SLF1: variants seen among roughly 807,000 people sequenced by gnomAD.
The protein encoded by SLF1 is SMC5/6 complex localization factor 1, also known as SMC5-SMC6 complex localization factor protein 1.
A neutral mutation model predicts 123.0 loss-of-function variants in SLF1; 105 were observed. The ratio of observed to expected loss-of-function variants is 0.85; its 90% CI spans 0.73 to 1.00. The LOEUF is 1.00. Ranked by LOEUF, SLF1 falls within the 50% of genes least tolerant of loss-of-function variation. The pLI, the probability that SLF1 is intolerant of heterozygous loss-of-function variation, is 0.00. For synonymous variants in SLF1, 434 were observed against 406.6 expected (o/e 1.07, Z -0.81); for missense variants, 1,239 against 1,223.0 (o/e 1.01, Z -0.20).
intron 18 of SLF1, among the ~76,000 whole-genome samples, chr5:94,690,560 A>C (rs1752953903): frequency 6.6e-6 from 1 of 152,152 alleles, no homozygotes; most frequent in Admixed American, 6.6e-5. Context: ...AAGAGAATTG[A>C]GATATAGTAG....
At chr5:94,646,358 A>G (rs528758837) in intron 5 of SLF1, among the ~76,000 whole-genome samples, 19 of 152,212 alleles carry the variant, frequency 1.2e-4, no homozygotes, top group Non-Finnish European at 2.2e-4. Context: ...TTTCAGGTTT[A>G]TAGATATTTA....
At chr5:94,632,988 C>A (rs1745370426) in intron 4 of SLF1, among the ~76,000 whole-genome samples, 1 of 151,664 alleles carries the variant, frequency 6.6e-6, no homozygotes, top group South Asian at 2.1e-4. Context: ...CGCGCCCGAC[C>A]TTTATTTTTT....
In SLF1 at chr5:94,694,988, A is replaced by C. The variant is rs898048310; in HGVS notation, c.2853A>C (p.Gln951His). 1.1e-5 allele frequency: 18 copies of C among 1,612,652 alleles called. No homozygotes were observed. The highest frequency in any genetic ancestry group is 3.3e-4 in the Middle Eastern group (2 of 6,054). ...AQAEKHFHYQ[Q>H]LEFGSFLLSR... Reference sequence around the variant, plus strand: ...CAGAGAAACATTTTCATTACCAGCAACTTGAATTTGGCTCCTTTTTACTTA... The same window carrying C: ...CAGAGAAACATTTTCATTACCAGCACCTTGAATTTGGCTCCTTTTTACTTA... Residue 951 changes from glutamine (Q) to histidine (H), a missense_variant, in exon 21 of 21, where the codon CAA becomes CAC. By Grantham distance (24) the Gln-to-His change is conservative. Transcript: ENST00000265140.
At chr5:94,632,470 TTAACAA>T (rs1277501836) in intron 4 of SLF1, among the ~76,000 whole-genome samples, 1 of 152,234 alleles carries the variant, frequency 6.6e-6, no homozygotes, top group Non-Finnish European at 1.5e-5. Flanking sequence ...AGGTCAAATC[TTAACAA>T]TATTGAGTCT....
intron 18 of SLF1, among the ~76,000 whole-genome samples, chr5:94,689,865 C>T (rs1585242405): frequency 6.6e-6 from 1 of 152,108 alleles, no homozygotes; most frequent in Non-Finnish European, 1.5e-5. Flanking sequence ...CACAGTGTAG[C>T]ATTCATTGAG....
intron 1 of SLF1, among the ~76,000 whole-genome samples, chr5:94,622,193 G>T (rs995836697): frequency 6.6e-6 from 1 of 152,154 alleles, no homozygotes; most frequent in Non-Finnish European, 1.5e-5. Flanking sequence ...ACAGTTATTT[G>T]TTTACTTTCC....
rs187764960 is a variant in SLF1 at position 94,658,471 on chromosome 5, A to G, written c.1155+3719A>G. ...GTTGTTGTTGTTTTTTCCTTTCAAC[A>G]CTATGAATGTGTCATCTTATTCTTT... is the stretch of plus-strand genomic sequence containing the variant. On this transcript the variant is annotated intron_variant, in intron 9 of 20. Coordinates refer to ENST00000265140, the MANE Select transcript of SLF1 (RefSeq NM_032290.4). Among the ~76,000 whole-genome samples the G allele has an allele frequency of 1.6e-4, 24 of 151,820 alleles. No individual in the cohort carries two copies. In the East Asian group the frequency reaches 4.5e-3, roughly 28 times the overall value.
At chr5:94,675,224 G>A (rs1201411100) in intron 14 of SLF1, among the ~76,000 whole-genome samples, 1 of 152,216 alleles carries the variant, frequency 6.6e-6, no homozygotes, top group African/African-American at 2.4e-5. Flanking sequence ...TAAACTAGAA[G>A]TTATCTCTAC....
chr5:94,687,737 A>C (rs1189666208), intron 16 of SLF1, among the ~76,000 whole-genome samples: 2 of 152,108 alleles, frequency 1.3e-5, no homozygotes, highest in Non-Finnish European at 2.9e-5. Context: ...AAAAGAAAGG[A>C]AAAAGAAATT....
Position 94,643,384 on chromosome 5 carries a change from C to T in SLF1, c.543C>T (p.Asn181=), listed in dbSNP as rs974994080. 2.6e-6 allele frequency: 4 copies of T among 1,539,044 alleles called. No homozygotes were observed. Among genetic ancestry groups the T allele is most frequent in the African/African-American group, 2.8e-5 (2 of 72,566 alleles). The change falls in exon 5 of 21, where the codon AAC becomes AAT. Residue 181 remains asparagine (N), a synonymous_variant. Transcript: ENST00000265140. ...TTAAAGCTGAGAAAGAAAAAGATAACTTTAAGGCTCCATTTTATCCAATTC... is the reference window on the plus strand; with the variant it reads ...TTAAAGCTGAGAAAGAAAAAGATAATTTTAAGGCTCCATTTTATCCAATTC... ...ARIKAEKEKD[N]FKAPFYPIQY...
intron 9 of SLF1, among the ~76,000 whole-genome samples, chr5:94,661,533 T>G (rs1367737342): frequency 1.3e-5 from 2 of 151,378 alleles, no homozygotes; most frequent in Non-Finnish European, 2.9e-5. Context: ...GGTTTTTTGT[T>G]TTTTTGTTTT....
chr5:94,630,237 CTG>C lies in SLF1; in HGVS notation c.191-264_191-263del, dbSNP rs914094896. 8.6e-5 allele frequency among the ~76,000 whole-genome samples: 13 copies of C among 151,978 alleles called. No homozygotes were observed. The South Asian group carries it at 1.2e-3, about 15-fold the overall frequency. On this transcript the variant is annotated intron_variant, in intron 3 of 20. Coordinates refer to ENST00000265140, the MANE Select transcript of SLF1 (RefSeq NM_032290.4). ...AATTTAGAATTATATTTAAATGAAA[CTG>C]TAATTATAACTAAGTTATAGCTATG...
chr5:94,630,898 A>C (rs1040415654), intron 4 of SLF1, among the ~76,000 whole-genome samples, 155 bp downstream of exon 4: 12 of 152,220 alleles, frequency 7.9e-5, no homozygotes, highest in Non-Finnish European at 1.6e-4. Context: ...GTTTAGACTT[A>C]TGTGTCTTTA....
rs550815856 is a variant in SLF1 at position 94,631,612 on chromosome 5, A to C, written c.431+869A>C. ...TCATTCCTTTTTGTTGCTGAGTAGTAGTCTACTCCATGGATATGTTACAGT... is the reference window on the plus strand; with the variant it reads ...TCATTCCTTTTTGTTGCTGAGTAGTCGTCTACTCCATGGATATGTTACAGT... On this transcript the variant is annotated intron_variant, in intron 4 of 20. Coordinates refer to ENST00000265140, the MANE Select transcript of SLF1 (RefSeq NM_032290.4). 4.0e-4 allele frequency among the ~76,000 whole-genome samples: 61 copies of C among 152,328 alleles called. 1 individual carries two copies. In the South Asian group the frequency reaches 8.3e-3, roughly 21 times the overall value.
intron 1 of SLF1, among the ~76,000 whole-genome samples, chr5:94,625,060 G>T (rs142624491): frequency 0.042 from 6,328 of 151,484 alleles, 248 homozygotes; most frequent in East Asian, 0.2. Flanking sequence ...CAGGCTGGTG[G>T]TGGGTGCCTG....
intron 14 of SLF1, among the ~76,000 whole-genome samples, chr5:94,671,776 T>C (rs1302395802): frequency 6.6e-6 from 1 of 151,918 alleles, no homozygotes; most frequent in African/African-American, 2.4e-5. Flanking sequence ...TTTCGTAGTT[T>C]GGTACTTTAA....
chr5:94,622,593 G>A (rs1440223849), intron 1 of SLF1, among the ~76,000 whole-genome samples: 1 of 152,192 alleles, frequency 6.6e-6, no homozygotes, highest in East Asian at 1.9e-4. Context: ...AGGCTGAAGG[G>A]ATTAGAGATG....
At chr5:94,685,010 T>G (rs554987234) in intron 15 of SLF1, among the ~76,000 whole-genome samples, 1 of 152,336 alleles carries the variant, frequency 6.6e-6, no homozygotes, top group African/African-American at 2.4e-5. Flanking sequence ...GCCAATAGCA[T>G]CCCTTTCCCC....
At chr5:94,654,200 T>G (rs1748098473) in intron 8 of SLF1, among the ~76,000 whole-genome samples, 1 of 151,748 alleles carries the variant, frequency 6.6e-6, no homozygotes, top group Non-Finnish European at 1.5e-5. Context: ...CATAAATAAA[T>G]GCCATATTAT....
Sources: allele counts gnomAD v4.1 joint callset (sites outside exome capture counted in the v4.1 genomes callset), GRCh38; gene constraint gnomAD v4.1.1; transcripts MANE v1.5; gene names NCBI Gene and HGNC (gene_info 2026-07-23, HGNC 2026-07-21).